Variants in CRTAC1 observed in about 807,000 individuals in gnomAD.
The protein encoded by CRTAC1 is cartilage acidic protein 1.
CRTAC1 carries 37 observed loss-of-function variants against 67.8 expected under a neutral mutation model. That is an observed-to-expected ratio of 0.55 (90% CI 0.42 to 0.72). CRTAC1 has a LOEUF of 0.72. Among genes scored for constraint, CRTAC1 ranks in the 30% least tolerant of loss-of-function variants. CRTAC1 has a pLI of 0.00. For synonymous variants in CRTAC1, 348 were observed against 371.0 expected (o/e 0.94, Z 0.71); for missense variants, 780 against 931.6 (o/e 0.84, Z 2.12).
chr10:98,016,680 T>C (rs1843005309), intron 1 of CRTAC1, among the ~76,000 whole-genome samples: 1 of 152,100 alleles, frequency 6.6e-6, no homozygotes, highest in South Asian at 2.1e-4. Context: ...GGTGGGAGTT[T>C]GAGTGCTGTG....
Position 97,986,810 on chromosome 10 carries a change from C to A in CRTAC1, c.224+24328G>T, listed in dbSNP as rs758602774. On this transcript the variant is annotated intron_variant, in intron 2 of 14. Transcript: ENST00000370597. ...TTGGTGCCAAACAGGCCACAACCAC[C>A]TCCCGGCTCTGACCCTTACTAACTG... Among the ~76,000 whole-genome samples the A allele has an allele frequency of 3.9e-5, 6 of 152,344 alleles. 1 individual carries two copies. In the South Asian group the frequency reaches 8.3e-4, roughly 21 times the overall value.
chr10:97,929,498 T>C (rs1457887558), intron 3 of CRTAC1, among the ~76,000 whole-genome samples: 1 of 152,084 alleles, frequency 6.6e-6, no homozygotes, highest in East Asian at 1.9e-4. Flanking sequence ...GTATTGGTGG[T>C]AGAGAGAAGG....
In CRTAC1 at chr10:97,917,432, G is replaced by A. The variant is rs534970153; in HGVS notation, c.715+68C>T. On this transcript the variant is annotated intron_variant, in intron 5 of 14. Coordinates refer to ENST00000370597, the MANE Select transcript of CRTAC1 (RefSeq NM_018058.7). ...TGTGGTCTCTGATGAATTAGACTCAGCCTTGCAGGGCCCTGGCCCCCAGCC... is the reference window on the plus strand; with the variant it reads ...TGTGGTCTCTGATGAATTAGACTCAACCTTGCAGGGCCCTGGCCCCCAGCC... 7.4e-5 allele frequency: 96 copies of A among 1,305,946 alleles called. No individual in the cohort carries two copies. In the South Asian group the frequency reaches 1.9e-3, roughly 26 times the overall value. 80.9% of individuals were successfully genotyped at this position (1,305,946 alleles called of 1,614,324 possible). A position where few individuals can be genotyped will look rare whatever the true frequency, so the allele number is the denominator to read the frequency against.
chr10:97,881,206 C>A (rs940678147), intron 13 of CRTAC1, among the ~76,000 whole-genome samples: 2 of 152,230 alleles, frequency 1.3e-5, no homozygotes, highest in African/African-American at 4.8e-5. Flanking sequence ...AATTCAGACT[C>A]CCTACAGGGG....
At chr10:97,981,213 T>TA (rs900647835) in intron 2 of CRTAC1, among the ~76,000 whole-genome samples, 1 of 151,884 alleles carries the variant, frequency 6.6e-6, no homozygotes. Context: ...TTCCTGATTA[T>TA]AAAAAAAAGT....
At chr10:98,023,684 G>T (rs137878983) in intron 1 of CRTAC1, among the ~76,000 whole-genome samples, 1 of 152,178 alleles carries the variant, frequency 6.6e-6, no homozygotes, top group African/African-American at 2.4e-5. Context: ...TGCCGGTGAC[G>T]GAAAGAGCCT....
At chr10:97,927,979 G>T (rs926098813) in intron 3 of CRTAC1, among the ~76,000 whole-genome samples, 1 of 152,246 alleles carries the variant, frequency 6.6e-6, no homozygotes, top group Non-Finnish European at 1.5e-5. Context: ...ATGAGAGGGT[G>T]GGGGCAGCTG....
intron 2 of CRTAC1, among the ~76,000 whole-genome samples, chr10:97,957,049 C>T (rs2051452207): frequency 6.6e-6 from 1 of 151,600 alleles, no homozygotes; most frequent in Non-Finnish European, 1.5e-5. Flanking sequence ...CTCCTGGGCT[C>T]AGTGATCCTT....
At chr10:97,971,146 T>C (rs1044208157) in intron 2 of CRTAC1, among the ~76,000 whole-genome samples, 1 of 152,136 alleles carries the variant, frequency 6.6e-6, no homozygotes, top group African/African-American at 2.4e-5. Flanking sequence ...TGTAAAATGG[T>C]TTTGGAAAGC....
chr10:97,865,880 T>C, intron 14 of CRTAC1, 166 bp from the exon 15 acceptor site: 1 of 1,031,104 alleles, frequency 9.7e-7, no homozygotes, highest in South Asian at 1.8e-5. Flanking sequence ...ATGCCCCCTG[T>C]CCCTCACCCC....
intron 14 of CRTAC1, among the ~76,000 whole-genome samples, chr10:97,873,165 C>G (rs1472656306): frequency 6.6e-6 from 1 of 152,134 alleles, no homozygotes; most frequent in African/African-American, 2.4e-5. Flanking sequence ...AAGGCCACTT[C>G]CAAATGCCTG....
At chr10:98,022,290 G>A (rs886574877) in intron 1 of CRTAC1, among the ~76,000 whole-genome samples, 4 of 152,030 alleles carry the variant, frequency 2.6e-5, no homozygotes, top group African/African-American at 4.8e-5. Flanking sequence ...GGGAGGCAGA[G>A]GTTGGGGTGA....
chr10:97,923,263 C>A lies in CRTAC1; in HGVS notation c.558+1G>T. The stretch of plus-strand genomic sequence containing the variant: ...AGGACCCCATGTGCCCCTGCACTCA[C>A]CTTTCTGTCCACACAGGCCACAGAG... On this transcript the variant is annotated splice_donor_variant, in intron 4 of 14. Transcript: ENST00000370597. LOFTEE classifies it high-confidence loss of function. The A allele has an allele frequency of 6.2e-7, 1 of 1,614,080 alleles. No individual in the cohort carries two copies. The highest frequency in any genetic ancestry group is 8.5e-7 in the Non-Finnish European group (1 of 1,180,036).
chr10:97,941,210 C>T (rs1388290007), intron 2 of CRTAC1, among the ~76,000 whole-genome samples: 5 of 152,080 alleles, frequency 3.3e-5, no homozygotes, highest in Admixed American at 2.6e-4. Flanking sequence ...TCCTTTTCCC[C>T]ACCGCTGTCC....
At chr10:97,925,890 T>C (rs948445406) in intron 3 of CRTAC1, among the ~76,000 whole-genome samples, 1 of 152,044 alleles carries the variant, frequency 6.6e-6, no homozygotes, top group African/African-American at 2.4e-5. Flanking sequence ...CTCAGGTGGC[T>C]CCACCCAGGA....
chr10:97,872,010 A>G (rs1388885320), intron 14 of CRTAC1, among the ~76,000 whole-genome samples: 1 of 152,208 alleles, frequency 6.6e-6, no homozygotes, highest in African/African-American at 2.4e-5. Flanking sequence ...AAGCTTACAC[A>G]CAGCTTACAA....
At chr10:97,995,305 AAC>A (rs140500771) in intron 2 of CRTAC1, among the ~76,000 whole-genome samples, 70 of 151,598 alleles carry the variant, frequency 4.6e-4, no homozygotes, top group African/African-American at 1.6e-3. Context: ...CATACACACA[AAC>A]ACACACACAC....
chr10:97,934,638 G>T (rs555868327), intron 3 of CRTAC1, among the ~76,000 whole-genome samples: 1 of 152,164 alleles, frequency 6.6e-6, no homozygotes, highest in African/African-American at 2.4e-5. Flanking sequence ...GTCAGGGTGG[G>T]GAGCGGAGCA....
At chr10:97,981,111 T>G (rs959206449) in intron 2 of CRTAC1, among the ~76,000 whole-genome samples, 9 of 152,138 alleles carry the variant, frequency 5.9e-5, no homozygotes, top group African/African-American at 2.2e-4. Context: ...AACACATAAT[T>G]GTTCCCCTTG....
Sources: allele counts gnomAD v4.1 joint callset (sites outside exome capture counted in the v4.1 genomes callset), GRCh38; gene constraint gnomAD v4.1.1; transcripts MANE v1.5; gene names NCBI Gene and HGNC (gene_info 2026-07-23, HGNC 2026-07-21).